Variants in SMAD1 observed in about 807,000 individuals in gnomAD.
SMAD1 encodes the protein MAD, mothers against decapentaplegic homolog 1.
A neutral mutation model predicts 41.6 loss-of-function variants in SMAD1; 6 were observed. The observed-to-expected ratio is 0.14, with a 90% confidence interval of 0.08 to 0.28. SMAD1 has a LOEUF of 0.28. Among genes scored for constraint, SMAD1 ranks in the 10% least tolerant of loss-of-function variants. The pLI is 1.00. For synonymous variants in SMAD1, 206 were observed against 203.2 expected (o/e 1.01, Z -0.12); for missense variants, 379 against 582.6 (o/e 0.65, Z 3.60).
intron 1 of SMAD1, chr4:145,513,109 T>C (rs1730179206): frequency 6.6e-6 from 1 of 152,266 alleles, no homozygotes; most frequent in South Asian, 2.1e-4. Context: ...CTGCTTAGTT[T>C]TTAGCCTCTT....
At chr4:145,529,188 C>G (rs1012059144) in intron 2 of SMAD1, among the ~76,000 whole-genome samples, 10 of 152,166 alleles carry the variant, frequency 6.6e-5, no homozygotes, top group African/African-American at 2.4e-4. Context: ...CTGCTTCTGA[C>G]TGTTACTATA....
intron 1 of SMAD1, among the ~76,000 whole-genome samples, chr4:145,484,336 A>G (rs1728357080): frequency 6.6e-6 from 1 of 152,222 alleles, no homozygotes. Flanking sequence ...AGAAAGCATC[A>G]TTACCAGCCT....
intron 1 of SMAD1, among the ~76,000 whole-genome samples, chr4:145,490,549 C>T (rs576081654): frequency 6.6e-6 from 1 of 152,214 alleles, no homozygotes; most frequent in Non-Finnish European, 1.5e-5. Context: ...CACTTTGTGG[C>T]CTGGTAGGCT....
chr4:145,556,850 C>G (rs1426311261), intron 6 of SMAD1, among the ~76,000 whole-genome samples: 1 of 152,054 alleles, frequency 6.6e-6, no homozygotes, highest in Non-Finnish European at 1.5e-5. Context: ...ACCACCACAC[C>G]TCGTTTTAGT....
At position 145,511,935 on chromosome 4, in the gene SMAD1, T is replaced by C. The variant is rs192529221; in HGVS notation, c.-176-2503T>C. Among the ~76,000 whole-genome samples the C allele has an allele frequency of 3.8e-3, 579 of 152,360 alleles. 1 individual carries two copies. Among genetic ancestry groups the C allele is most frequent in the African/African-American group, 0.013 (549 of 41,582 alleles). On this transcript the variant is annotated intron_variant, in intron 1 of 6. Transcript: ENST00000302085. The stretch of plus-strand genomic sequence containing the variant: ...GAAGAATTCCTGTTAGTATTTCTTT[T>C]AGTGACAATCTGCTGTAAACCAGTT...
At chr4:145,487,962 A>G (rs1728564079) in intron 1 of SMAD1, among the ~76,000 whole-genome samples, 1 of 152,228 alleles carries the variant, frequency 6.6e-6, no homozygotes, top group Admixed American at 6.5e-5. Context: ...GTATTTGAAC[A>G]GTTCAGCATC....
intron 1 of SMAD1, among the ~76,000 whole-genome samples, chr4:145,495,505 A>G (rs1729023022): frequency 6.6e-6 from 1 of 151,970 alleles, no homozygotes; most frequent in Admixed American, 6.6e-5. Flanking sequence ...CATCTACTTG[A>G]TTGGAAAACT....
At chr4:145,507,099 A>G (rs1319291068) in intron 1 of SMAD1, among the ~76,000 whole-genome samples, 1 of 151,968 alleles carries the variant, frequency 6.6e-6, no homozygotes, top group Non-Finnish European at 1.5e-5. Context: ...TTCTCAAACC[A>G]GATCACACTA....
intron 1 of SMAD1, among the ~76,000 whole-genome samples, chr4:145,491,592 C>G (rs1011360368): frequency 6.6e-6 from 1 of 152,122 alleles, no homozygotes; most frequent in African/African-American, 2.4e-5. Flanking sequence ...GGGCTTTTCT[C>G]ATTTAAGGAA....
At chr4:145,513,242 A>T (rs2126402322) in intron 1 of SMAD1, 1 of 152,280 alleles carries the variant, frequency 6.6e-6, no homozygotes, top group East Asian at 1.9e-4. Context: ...TCTCTCCAGG[A>T]TCTTGGCCCC....
intron 6 of SMAD1, among the ~76,000 whole-genome samples, chr4:145,554,830 C>T (rs186423087): frequency 1.3e-5 from 2 of 152,242 alleles, no homozygotes; most frequent in Non-Finnish European, 1.5e-5. Flanking sequence ...TTCATTCTCT[C>T]GTACTTTGAG....
At chr4:145,544,072 C>G (rs1258492970) in intron 4 of SMAD1, 1 of 152,034 alleles carries the variant, frequency 6.6e-6, no homozygotes, top group Non-Finnish European at 1.5e-5. Flanking sequence ...GGATGTACAC[C>G]ATAAGTGAAC....
chr4:145,540,076 T>G lies in SMAD1; in HGVS notation c.658+15T>G. On this transcript the variant is annotated intron_variant, in intron 3 of 6. Coordinates refer to ENST00000302085, the MANE Select transcript of SMAD1 (RefSeq NM_005900.3). Reference sequence around the variant, plus strand: ...CCAGATGCCAGGTAGGTTGGAATGTTCAGTGATGTTCTGTAGTCATATCAG... The same window carrying G: ...CCAGATGCCAGGTAGGTTGGAATGTGCAGTGATGTTCTGTAGTCATATCAG... 1.2e-5 allele frequency: 20 copies of G among 1,613,868 alleles called. No individual in the cohort carries two copies. The highest frequency in any genetic ancestry group is 1.7e-5 in the Non-Finnish European group (20 of 1,179,842).
chr4:145,537,576 T>C (rs1731684018), intron 2 of SMAD1, among the ~76,000 whole-genome samples: 1 of 152,190 alleles, frequency 6.6e-6, no homozygotes, highest in South Asian at 2.1e-4. Flanking sequence ...GTTGGTTTTT[T>C]TTCCCCCAAC....
rs759291177 is a variant in SMAD1, at chr4:145,557,946, C to T, written c.*12C>T. On this transcript the variant is annotated 3_prime_UTR_variant, in exon 7 of 7. Transcript: ENST00000302085. ...CATCTGTATCTTAAATGGCCCCAGG[C>T]ATCTGCCTCTGGAAAACTATTGAGC... 6.3e-7 allele frequency: 1 copy of T among 1,589,140 alleles called. No homozygotes were observed. The highest frequency in any genetic ancestry group is 1.2e-5 in the South Asian group (1 of 86,122).
intron 1 of SMAD1, among the ~76,000 whole-genome samples, chr4:145,496,438 G>A (rs1231996780): frequency 2.0e-5 from 3 of 152,132 alleles, no homozygotes; most frequent in South Asian, 2.1e-4. Context: ...AAAACAGTGC[G>A]TGGTGATTCA....
intron 2 of SMAD1, among the ~76,000 whole-genome samples, chr4:145,536,376 T>C (rs565898078): frequency 6.6e-6 from 1 of 152,172 alleles, no homozygotes; most frequent in Non-Finnish European, 1.5e-5. Context: ...AGGTAAGAGA[T>C]AAGCCTGGAA....
intron 1 of SMAD1, among the ~76,000 whole-genome samples, chr4:145,505,209 C>T (rs552699222): frequency 1.3e-5 from 2 of 152,250 alleles, no homozygotes; most frequent in South Asian, 4.1e-4. Flanking sequence ...CTGGCATGTT[C>T]CCCTTTGACC....
intron 1 of SMAD1, among the ~76,000 whole-genome samples, chr4:145,503,164 T>C (rs904224858): frequency 6.6e-6 from 1 of 152,088 alleles, no homozygotes; most frequent in Non-Finnish European, 1.5e-5. Context: ...ATCAGTCCCA[T>C]GTTTGGAAGT....
Sources: gnomAD v4.1 joint callset for allele counts (sites outside exome capture counted in the v4.1 genomes callset) on GRCh38, gnomAD v4.1.1 for gene constraint, MANE v1.5 for transcripts, NCBI Gene and HGNC (gene_info 2026-07-23, HGNC 2026-07-21) for gene names.